RSU1: variants seen among roughly 807,000 people sequenced by gnomAD.
The protein encoded by RSU1 is Ras suppressor protein 1.
A neutral mutation model predicts 31.1 loss-of-function variants in RSU1; 26 were observed. The ratio of observed to expected loss-of-function variants is 0.84; its 90% confidence interval spans 0.61 to 1.16. The LOEUF (loss-of-function observed/expected upper bound fraction) is 1.16. Ranked by LOEUF, RSU1 falls within the 50% of genes most tolerant of loss-of-function variation. The pLI is 0.00. For synonymous variants in RSU1, 164 were observed against 136.3 expected, an observed-to-expected ratio of 1.20 and a Z score of -1.41; for missense variants, 320 against 339.1, an observed-to-expected ratio of 0.94 and a Z score of 0.44.
At chr10:16,800,392 A>G (rs1245446885) in intron 2 of RSU1, among the ~76,000 whole-genome samples, 2 of 152,212 alleles carry the variant, frequency 1.3e-5, no homozygotes, top group East Asian at 3.8e-4. Context: ...AAAATCCCTG[A>G]GAGAATTGAA....
chr10:16,627,165 C>T (rs985836259), intron 8 of RSU1, among the ~76,000 whole-genome samples: 4 of 152,332 alleles, frequency 2.6e-5, no homozygotes, highest in Non-Finnish European at 4.4e-5. Context: ...TCTGCAGTTA[C>T]AGCTGTTAGA....
intron 8 of RSU1, among the ~76,000 whole-genome samples, chr10:16,693,696 G>A (rs1473030542): frequency 6.6e-6 from 1 of 151,436 alleles, no homozygotes; most frequent in African/African-American, 2.4e-5. Context: ...CCCCGTCTCT[G>A]CAAAAAATTA....
At chr10:16,653,464 G>A (rs1046307228) in intron 8 of RSU1, among the ~76,000 whole-genome samples, 3 of 151,968 alleles carry the variant, frequency 2.0e-5, no homozygotes, top group Non-Finnish European at 2.9e-5. Flanking sequence ...TTCCCTCCTC[G>A]CCCACACAGG....
At chr10:16,634,782 A>G (rs1834318832) in intron 8 of RSU1, among the ~76,000 whole-genome samples, 1 of 152,202 alleles carries the variant, frequency 6.6e-6, no homozygotes. Flanking sequence ...GAGTCCATGG[A>G]TGTTCGGTGA....
chr10:16,654,382 G>GAAAAAAAAAAAAA (rs1834736656), intron 8 of RSU1, among the ~76,000 whole-genome samples: 1 of 127,770 alleles, frequency 7.8e-6, no homozygotes, highest in Non-Finnish European at 1.6e-5. Context: ...AAAAAAAAAG[G>GAAAAAAAAAAAAA]AAATTGGCCA....
At chr10:16,714,138 G>A (rs1316540601) in intron 7 of RSU1, among the ~76,000 whole-genome samples, 2 of 152,182 alleles carry the variant, frequency 1.3e-5, no homozygotes, top group African/African-American at 4.8e-5. Context: ...TAGTCTGGCT[G>A]TTGGGCTGAG....
rs183633196 is a variant in RSU1, at chr10:16,654,479, G to A, written c.731+40544C>T. Among the ~76,000 whole-genome samples, 44 of 150,954 alleles carry A rather than the reference G, an allele frequency of 2.9e-4. No homozygotes were observed. The South Asian group carries it at 4.0e-3, about 14-fold the overall frequency. ...GAGGTCAGGAGTTTGAGACCAGCCC[G>A]AGCAACATGGTGAAACCCTGTCTTT... On this transcript the variant is annotated intron_variant, in intron 8 of 8. Transcript: ENST00000345264.
At chr10:16,607,159 A>G (rs1169713429) in intron 8 of RSU1, among the ~76,000 whole-genome samples, 1 of 152,148 alleles carries the variant, frequency 6.6e-6, no homozygotes, top group Non-Finnish European at 1.5e-5. Context: ...AAAAGCATGC[A>G]GCATTGACGC....
chr10:16,736,678 G>A (rs1836634971), intron 7 of RSU1, among the ~76,000 whole-genome samples: 1 of 151,986 alleles, frequency 6.6e-6, no homozygotes, highest in South Asian at 2.1e-4. Flanking sequence ...TTCAGAGTAA[G>A]AGGAAAAAAG....
Position 16,739,413 on chromosome 10 carries a change from G to A in RSU1, c.598+13126C>T, listed in dbSNP as rs545741154. On this transcript the variant is annotated intron_variant, in intron 7 of 8. Transcript: ENST00000345264. The stretch of plus-strand genomic sequence containing the variant: ...TTTAATAATCACCATTCTAACTGGT[G>A]TGAGATGGTATCTCATTGTGGTTTT... 1.0e-4 allele frequency among the ~76,000 whole-genome samples: 15 copies of A among 150,072 alleles called. No individual in the cohort carries two copies. The South Asian group carries it at 1.1e-3, about 11-fold the overall frequency.
At chr10:16,654,951 C>T (rs1264383080) in intron 8 of RSU1, among the ~76,000 whole-genome samples, 1 of 150,718 alleles carries the variant, frequency 6.6e-6, no homozygotes, top group Non-Finnish European at 1.5e-5. Flanking sequence ...GTAGCCCTAG[C>T]TACTCAGGAG....
At chr10:16,699,935 T>C (rs1363693953) in intron 7 of RSU1, among the ~76,000 whole-genome samples, 2 of 152,366 alleles carry the variant, frequency 1.3e-5, no homozygotes, top group Middle Eastern at 3.4e-3. Context: ...CCAAAGCCTC[T>C]AGTACAGCAA....
intron 7 of RSU1, 33 bp from the exon 8 acceptor site, chr10:16,695,188 T>C: frequency 6.3e-7 from 1 of 1,577,836 alleles, no homozygotes. Flanking sequence ...TGAAGGTCAC[T>C]TCATCCAATA....
chr10:16,690,401 A>T (rs1384853980), intron 8 of RSU1, among the ~76,000 whole-genome samples: 5 of 152,194 alleles, frequency 3.3e-5, no homozygotes, highest in Non-Finnish European at 7.3e-5. Context: ...GGCACGAAAG[A>T]TGAAGAGACA....
At chr10:16,645,105 A>C (rs1834511964) in intron 8 of RSU1, among the ~76,000 whole-genome samples, 1 of 152,254 alleles carries the variant, frequency 6.6e-6, no homozygotes, top group Admixed American at 6.5e-5. Context: ...TAAGCCATTA[A>C]ACACCATAAC....
intron 7 of RSU1, among the ~76,000 whole-genome samples, chr10:16,712,205 C>T (rs1836035247): frequency 6.6e-6 from 1 of 152,038 alleles, no homozygotes; most frequent in South Asian, 2.1e-4. Context: ...CCTTCACTTT[C>T]AGTTTATGTT....
At chr10:16,805,824 A>G (rs1486874680) in intron 2 of RSU1, among the ~76,000 whole-genome samples, 1 of 152,092 alleles carries the variant, frequency 6.6e-6, no homozygotes, top group Non-Finnish European at 1.5e-5. Context: ...TTCCAATTCT[A>G]TCATCACCCA....
At chr10:16,593,517 C>T (rs538852106) in intron 8 of RSU1, 21 bp from the exon 9 acceptor site, 17 of 1,577,646 alleles carry the variant, frequency 1.1e-5, no homozygotes, top group Non-Finnish European at 1.4e-5. Context: ...AGAGAAAGGA[C>T]ACTATCAGAT....
chr10:16,789,840 T>A (rs1837874239), intron 2 of RSU1, among the ~76,000 whole-genome samples: 1 of 152,256 alleles, frequency 6.6e-6, no homozygotes, highest in African/African-American at 2.4e-5. Context: ...AATATTCAAC[T>A]ATGCTTTGCC....
Sources: gnomAD v4.1 joint callset for allele counts (sites outside exome capture counted in the v4.1 genomes callset) on GRCh38, gnomAD v4.1.1 for gene constraint, MANE v1.5 for transcripts, NCBI Gene and HGNC (gene_info 2026-07-23, HGNC 2026-07-21) for gene names.